The following BMP8B variants were observed in gnomAD, a reference collection of about 807,000 sequenced individuals.
The protein encoded by BMP8B is bone morphogenetic protein 8 (osteogenic protein 2).
A neutral mutation model predicts 30.3 loss-of-function variants in BMP8B; 17 were observed. That is an observed-to-expected ratio of 0.56 (90% CI 0.38 to 0.84). The LOEUF is 0.84. BMP8B is among the 40% of genes least tolerant of loss of function. The pLI, the probability that BMP8B is intolerant of heterozygous loss-of-function variation, is 0.00. For missense variants in BMP8B, 253 were observed against 494.6 expected (o/e 0.51, Z 4.63); for synonymous variants, 131 against 214.7 (o/e 0.61, Z 3.41).
In BMP8B at chr1:39,770,236, A is replaced by C. The variant is rs372756268; in HGVS notation, c.673+4072T>G. On this transcript the variant is annotated intron_variant, in intron 3 of 6. Transcript: ENST00000372827. ...GGCCCAGGCCCAGGATCCCGTTCTC[A>C]CTGTGAAGATGGACAGTCATGCTGG... The C allele has an allele frequency of 1.7e-4, 260 of 1,502,112 alleles. 2 individuals carry two copies. In the East Asian group the frequency reaches 2.7e-3, roughly 16 times the overall value. The allele number at this position is 1,502,112 out of a possible 1,614,324, so 93.0% of individuals were successfully genotyped here.
In BMP8B at chr1:39,788,559, A is replaced by G. The variant is rs191559100; in HGVS notation, c.-74T>C. 189,271 of 989,434 alleles carry G rather than the reference A, an allele frequency of 0.19. 18,447 individuals carry two copies. The highest frequency in any genetic ancestry group is 0.31 in the East Asian group (2,808 of 9,048). The allele number at this position is 989,434 out of a possible 1,614,324, so 61.3% of individuals were successfully genotyped here. ...TCCGCGGCCGACCCAGGGCCTGGGG[A>G]CGCCCCGACGGCAAGGAGGCTGGGC... On this transcript the variant is annotated 5_prime_UTR_variant, in exon 1 of 7. Coordinates refer to ENST00000372827, the MANE Select transcript of BMP8B (RefSeq NM_001720.5). The surrounding 1 kb of genome is among the most constrained non-coding windows in gnomAD (Gnocchi z 5.8).
At position 39,770,127 on chromosome 1, in the gene BMP8B, A is replaced by G. The variant is rs1649850093; in HGVS notation, c.673+4181T>C. The G allele has an allele frequency of 2.5e-6, 3 of 1,217,990 alleles. No individual in the cohort carries two copies. The East Asian group carries it at 7.8e-5, about 32-fold the overall frequency. The allele number at this position is 1,217,990 out of a possible 1,614,324, so 75.4% of individuals were successfully genotyped here. A position where few individuals can be genotyped will look rare whatever the true frequency, so the allele number is the denominator to read the frequency against. On this transcript the variant is annotated intron_variant, in intron 3 of 6. Coordinates refer to ENST00000372827, the MANE Select transcript of BMP8B (RefSeq NM_001720.5). ...ATGGCGAAGGAGTCGTCGCTGGCGA[A>G]GAAGCAGCCCCCGGGAAGCACCGTG...
chr1:39,782,125 T>C (rs1383205518), intron 1 of BMP8B, among the ~76,000 whole-genome samples: 1 of 138,244 alleles, frequency 7.2e-6, no homozygotes, highest in Non-Finnish European at 1.5e-5. Flanking sequence ...CACTCCAGCA[T>C]GGGTGACAAG....
chr1:39,762,788 G>A lies in BMP8B; in HGVS notation c.1059+304C>T, dbSNP rs900084345. On this transcript the variant is annotated intron_variant, in intron 6 of 6. Coordinates refer to ENST00000372827, the MANE Select transcript of BMP8B (RefSeq NM_001720.5). ...TGTACACATCTGTTTCATGTGCTGT[G>A]CCTCTGAGCGCTGCACACAGGTGCG... is the stretch of plus-strand genomic sequence containing the variant. 1.6e-5 allele frequency: 21 copies of A among 1,284,376 alleles called. No homozygotes were observed. The African/African-American group carries it at 3.0e-4, about 18-fold the overall frequency. The allele number at this position is 1,284,376 out of a possible 1,614,324, so 79.6% of individuals were successfully genotyped here.
At position 39,758,143 on chromosome 1, in the gene BMP8B, G is replaced by C. The variant is rs900031671; in HGVS notation, c.*2276C>G. Reference sequence around the variant, plus strand: ...AAAAAATTAATTGTCAAAATAACTGGCTAATTTAAAATTTACAATTGCCTA... The same window carrying C: ...AAAAAATTAATTGTCAAAATAACTGCCTAATTTAAAATTTACAATTGCCTA... On this transcript the variant is annotated 3_prime_UTR_variant, in exon 7 of 7. Coordinates refer to ENST00000372827, the MANE Select transcript of BMP8B (RefSeq NM_001720.5). The C allele has an allele frequency of 6.6e-6, 1 of 152,180 alleles. No individual in the cohort carries two copies. Among genetic ancestry groups the C allele is most frequent in the Admixed American group, 6.5e-5 (1 of 15,282 alleles). 9.4% of individuals were successfully genotyped at this position (152,180 alleles called of 1,614,324 possible).
intron 1 of BMP8B, among the ~76,000 whole-genome samples, chr1:39,785,487 A>G (rs899041528): frequency 1.2e-4 from 19 of 152,252 alleles, no homozygotes; most frequent in Non-Finnish European, 1.3e-4. Context: ...CTGCACGGAG[A>G]CCTGAGCCAT....
At chr1:39,765,927 C>T (rs1341289295) in intron 3 of BMP8B, among the ~76,000 whole-genome samples, 972 of 136,224 alleles carry the variant, frequency 7.1e-3, no homozygotes, top group African/African-American at 0.026. Flanking sequence ...GTGAACTTCC[C>T]GGGAAGCTGA....
intron 1 of BMP8B, among the ~76,000 whole-genome samples, chr1:39,785,950 C>A (rs1650954742): frequency 6.6e-6 from 1 of 152,248 alleles, no homozygotes; most frequent in South Asian, 2.1e-4. Context: ...TGGGCTTCCA[C>A]TAACAATGAT....
rs1486181416 is a variant in BMP8B at position 39,788,417 on chromosome 1, G to A, written c.69C>T (p.Pro23=). The A allele has an allele frequency of 3.6e-5, 38 of 1,048,988 alleles. No homozygotes were observed. Among genetic ancestry groups the A allele is most frequent in the African/African-American group, 5.2e-5 (3 of 58,176 alleles). The allele number at this position is 1,048,988 out of a possible 1,614,324, so 65.0% of individuals were successfully genotyped here. A position where few individuals can be genotyped will look rare whatever the true frequency, so the allele number is the denominator to read the frequency against. ...LALCALGGGG[P]GLRPPPGCPQ... ...GACAGCCGGGCGGGGGTCGCAGGCC[G>A]GGGCCGCCCCCGCCCAGCGCGCATA... The change falls in exon 1 of 7, where the codon CCC becomes CCT. Residue 23 remains proline, a synonymous_variant. Coordinates refer to ENST00000372827, the MANE Select transcript of BMP8B (RefSeq NM_001720.5). The surrounding 1 kb of genome is among the most constrained non-coding windows in gnomAD (Gnocchi z 5.8).
chr1:39,768,385 C>T (rs1357769252), intron 3 of BMP8B, among the ~76,000 whole-genome samples: 1 of 131,662 alleles, frequency 7.6e-6, no homozygotes, highest in Non-Finnish European at 1.6e-5. Context: ...CCTCTCCCCT[C>T]TCAGTCTCTC....
intron 3 of BMP8B, chr1:39,771,306 C>T (rs1649964678): frequency 1.4e-6 from 2 of 1,427,792 alleles, no homozygotes; most frequent in Non-Finnish European, 1.8e-6. Context: ...CTGCGTGCGC[C>T]TCGGGCCGCG....
chr1:39,775,128 C>A, intron 1 of BMP8B, 90 bp from the exon 2 acceptor site: 2 of 1,573,306 alleles, frequency 1.3e-6, no homozygotes, highest in Non-Finnish European at 1.7e-6. Context: ...CCCCAGCCAC[C>A]CACCACTCAA....
rs1649973848 is a variant in BMP8B at position 39,771,433 on chromosome 1, C to T, written c.673+2875G>A. The T allele has an allele frequency of 4.2e-6, 3 of 720,172 alleles. No homozygotes were observed. In the South Asian group the frequency reaches 8.7e-5, roughly 21 times the overall value. The allele number at this position is 720,172 out of a possible 1,614,324, so 44.6% of individuals were successfully genotyped here. On this transcript the variant is annotated intron_variant, in intron 3 of 6. Transcript: ENST00000372827. ...CCCGCAACAGGGAGGGGGCCGGCTC[C>T]GCCCTGGGCTGGGGGCCCCCGAGTC...
chr1:39,760,523 G>A lies in BMP8B; in HGVS notation c.1105C>T (p.Pro369Ser), dbSNP rs748727101. 2.0e-5 allele frequency: 33 copies of A among 1,613,988 alleles called. No homozygotes were observed. Among genetic ancestry groups the A allele is most frequent in the Non-Finnish European group, 2.7e-5 (32 of 1,180,036 alleles). Reference sequence around the variant, plus strand: ...ACAGAGGTGGCGCTCAGCTTGGTGGGTGCACAGCACGCCTTGGGGACTGCG... The same window carrying A: ...ACAGAGGTGGCGCTCAGCTTGGTGGATGCACAGCACGCCTTGGGGACTGCG... ...PDAVPKACCA[P>S]TKLSATSVLY... Residue 369 changes from proline (P) to serine (S), a missense_variant, in exon 7 of 7, where the codon CCC becomes TCC. Pro to Ser is a moderately conservative substitution (Grantham distance 74, BLOSUM62 -1). Coordinates refer to ENST00000372827, the MANE Select transcript of BMP8B (RefSeq NM_001720.5).
intron 1 of BMP8B, among the ~76,000 whole-genome samples, chr1:39,783,455 G>C (rs60120274): frequency 0.19 from 28,972 of 152,052 alleles, 2,851 homozygotes; most frequent in East Asian, 0.31. Context: ...AGAACTTTGG[G>C]GAAAAGGGAC....
chr1:39,759,136 G>C lies in BMP8B; in HGVS notation c.*1283C>G, dbSNP rs1028978059. 3.3e-5 allele frequency: 5 copies of C among 152,274 alleles called. No individual in the cohort carries two copies. The highest frequency in any genetic ancestry group is 1.2e-4 in the African/African-American group (5 of 41,452). The allele number at this position is 152,274 out of a possible 1,614,324, so 9.4% of individuals were successfully genotyped here. On this transcript the variant is annotated 3_prime_UTR_variant, in exon 7 of 7. Transcript: ENST00000372827. ...TCAAATAAACACTCCAACTCCCAGT[G>C]GCTGCTCCAAGGAGAACAGCAGTTT...
chr1:39,778,156 C>T (rs964735320), intron 1 of BMP8B, among the ~76,000 whole-genome samples: 2 of 152,250 alleles, frequency 1.3e-5, no homozygotes, highest in African/African-American at 4.8e-5. Flanking sequence ...GGTCTCTTGT[C>T]CCCAGGACAG....
intron 1 of BMP8B, among the ~76,000 whole-genome samples, chr1:39,782,015 G>A (rs55935001): frequency 0.14 from 21,761 of 152,014 alleles, 1,950 homozygotes; most frequent in Middle Eastern, 0.29. Context: ...AATTAGCCGT[G>A]CGTGGTGGCG....
At chr1:39,762,966 T>C (rs2124426928) in intron 6 of BMP8B, 126 bp downstream of exon 6, 1 of 1,205,944 alleles carries the variant, frequency 8.3e-7, no homozygotes, top group East Asian at 2.4e-5. Context: ...CGTTACTGAC[T>C]GTGCAGACAA....
Sources: allele counts gnomAD v4.1 joint callset (sites outside exome capture counted in the v4.1 genomes callset), GRCh38; gene constraint gnomAD v4.1.1; non-coding constraint Gnocchi (gnomAD v3.1); transcripts MANE v1.5; gene names NCBI Gene and HGNC (gene_info 2026-07-23, HGNC 2026-07-21).